Variants in TENM1 observed in about 807,000 individuals in gnomAD.
TENM1 encodes teneurin transmembrane protein 1.
In TENM1, 35 loss-of-function variants were observed where a neutral mutation model predicts 174.8. That is an observed-to-expected ratio of 0.20 (90% CI 0.15 to 0.27). The LOEUF (loss-of-function observed/expected upper bound fraction) is 0.27. TENM1 is among the 10% of genes least tolerant of loss of function. The probability of loss-of-function intolerance (pLI) is 1.00; values close to 1 mark genes in which losing one functional copy is unlikely to be tolerated. For missense variants in TENM1, 1,633 were observed against 2,130.1 expected, an observed-to-expected ratio of 0.77 and a Z score of 4.59; for synonymous variants, 781 against 798.7, an observed-to-expected ratio of 0.98 and a Z score of 0.37.
At chrX:124,957,913 A>G (rs2058601283) in intron 1 of TENM1, among the ~76,000 whole-genome samples, 1 of 111,830 alleles carries the variant, frequency 8.9e-6, no homozygotes, top group Admixed American at 9.5e-5. Context: ...ATATAAAATT[A>G]TTGGCCAATT....
chrX:124,554,976 GA>G (rs1602654429), intron 14 of TENM1, among the ~76,000 whole-genome samples: 1 of 111,605 alleles, frequency 9.0e-6, no homozygotes, highest in East Asian at 2.8e-4. Flanking sequence ...AAAGATCAGA[GA>G]AAAAAAGGCT....
At chrX:124,694,763 T>C (rs139170493) in intron 5 of TENM1, among the ~76,000 whole-genome samples, 1,132 of 111,801 alleles carry the variant, frequency 0.01, 18 homozygotes, top group African/African-American at 0.035. Flanking sequence ...GAGTCATCCA[T>C]GGTTAGGGCC....
chrX:124,468,579 T>A (rs2061266460), intron 22 of TENM1, among the ~76,000 whole-genome samples: 1 of 112,377 alleles, frequency 8.9e-6, no homozygotes, highest in Non-Finnish European at 1.9e-5. Flanking sequence ...GTAACTACTG[T>A]CCTGAAGTTA....
chrX:125,127,933 C>CT, the TENM1 span, among the ~76,000 whole-genome samples: 1 of 111,357 alleles, frequency 9.0e-6, no homozygotes, highest in Non-Finnish European at 1.9e-5. Flanking sequence ...ACTCCATATA[C>CT]TTTGATGTCA....
intron 22 of TENM1, among the ~76,000 whole-genome samples, chrX:124,474,969 T>A (rs1011806763): frequency 1.8e-5 from 2 of 111,683 alleles, no homozygotes; most frequent in East Asian, 5.6e-4. Context: ...TTATCAAACA[T>A]GTTTTTTTCA....
At chrX:124,557,301 T>A (rs1176341827) in intron 14 of TENM1, among the ~76,000 whole-genome samples, 1 of 111,508 alleles carries the variant, frequency 9.0e-6, no homozygotes, top group Non-Finnish European at 1.9e-5. Flanking sequence ...TAGATTTTGA[T>A]GTCTGCAAAT....
chrX:125,187,782 A>G, the TENM1 span, among the ~76,000 whole-genome samples: 2 of 110,921 alleles, frequency 1.8e-5, no homozygotes, highest in Middle Eastern at 9.3e-3. Flanking sequence ...GTGTGTACGT[A>G]TTTATATATG....
In TENM1 at chrX:124,666,596, T is replaced by C. The variant is rs148016258; in HGVS notation, c.1168+5087A>G. On this transcript the variant is annotated intron_variant, in intron 6 of 31. Coordinates refer to ENST00000422452, the Ensembl canonical transcript of TENM1. Reference sequence around the variant, plus strand: ...AAAACTCTCTGTCCCTTCTTTCCCATGATTTCCCTAAGACTCACCTATAAT... The same window carrying C: ...AAAACTCTCTGTCCCTTCTTTCCCACGATTTCCCTAAGACTCACCTATAAT... Among the ~76,000 whole-genome samples, 1,034 of 111,506 alleles carry C rather than the reference T, an allele frequency of 9.3e-3. 9 individuals are homozygous for C. The highest frequency in any genetic ancestry group is 0.032 in the African/African-American group (978 of 30,658).
chrX:124,506,342 GA>G (rs748131685), intron 18 of TENM1, among the ~76,000 whole-genome samples: 20 of 111,362 alleles, frequency 1.8e-4, no homozygotes, highest in Non-Finnish European at 3.4e-4. Context: ...ATCAATTAAG[GA>G]GTTCTCAATG....
chrX:124,836,002 C>T (rs888583227), intron 3 of TENM1, among the ~76,000 whole-genome samples: 1 of 111,433 alleles, frequency 9.0e-6, no homozygotes, highest in African/African-American at 3.3e-5. Context: ...AATAATTTTC[C>T]GTGGACCACA....
chrX:124,985,863 G>A, the TENM1 span, among the ~76,000 whole-genome samples: 4 of 111,588 alleles, frequency 3.6e-5, no homozygotes, highest in Admixed American at 9.5e-5. Context: ...ACAACATCAC[G>A]CTCAAACTTC....
At chrX:124,872,836 T>G (rs2057134490) in intron 3 of TENM1, among the ~76,000 whole-genome samples, 1 of 111,587 alleles carries the variant, frequency 9.0e-6, no homozygotes, top group African/African-American at 3.3e-5. Flanking sequence ...CATAGTTCTT[T>G]CAAGCAAACA....
chrX:124,436,936 C>CT lies in TENM1; in HGVS notation c.4105-14299dup, dbSNP rs34651854. 1.5e-3 allele frequency among the ~76,000 whole-genome samples: 56 copies of CT among 38,485 alleles called. 3 individuals are homozygous for CT. The highest frequency in any genetic ancestry group is 2.7e-3 in the Admixed American group (7 of 2,563). 33.4% of individuals were successfully genotyped at this position (38,485 alleles called of 115,157 possible). ...GTACTTTCTGTTTTTCTGACTGCATCTTTTTTTTTTTTTTTTTTTTTTGAG... is the reference window on the plus strand; with the variant it reads ...GTACTTTCTGTTTTTCTGACTGCATCTTTTTTTTTTTTTTTTTTTTTTTGAG... On this transcript the variant is annotated intron_variant, in intron 23 of 31. Coordinates refer to ENST00000422452, the Ensembl canonical transcript of TENM1.
intron 27 of TENM1, among the ~76,000 whole-genome samples, chrX:124,396,911 G>T (rs1210292128): frequency 8.9e-6 from 1 of 112,247 alleles, no homozygotes; most frequent in Non-Finnish European, 1.9e-5. Flanking sequence ...GCTGTGCATT[G>T]AATAAAACCT....
At chrX:124,629,789 T>A (rs1322584534) in intron 11 of TENM1, among the ~76,000 whole-genome samples, 1 of 112,023 alleles carries the variant, frequency 8.9e-6, no homozygotes, top group Non-Finnish European at 1.9e-5. Flanking sequence ...AAGAAAAAGG[T>A]CCCAGGATCC....
chrX:124,763,273 T>C (rs2054463290), intron 3 of TENM1, among the ~76,000 whole-genome samples: 1 of 110,929 alleles, frequency 9.0e-6, no homozygotes, highest in Non-Finnish European at 1.9e-5. Context: ...GCTTGGGCAA[T>C]GGTACGAGGG....
rs971158479 is a variant in TENM1 at position 124,769,045 on chromosome X, C to A, written c.536-31848G>T. On this transcript the variant is annotated intron_variant, in intron 3 of 31. Transcript: ENST00000422452. ...ACCTGTATTCTAGGTTATTAAAGTGCTTTTAAAATAACATTTTTAGAAAAT... is the reference window on the plus strand; with the variant it reads ...ACCTGTATTCTAGGTTATTAAAGTGATTTTAAAATAACATTTTTAGAAAAT... Among the ~76,000 whole-genome samples the A allele has an allele frequency of 2.7e-5, 3 of 111,878 alleles. No individual in the cohort carries two copies. In the East Asian group the frequency reaches 8.3e-4, roughly 31 times the overall value.
the TENM1 span, among the ~76,000 whole-genome samples, chrX:125,125,462 CTT>C: frequency 8.9e-6 from 1 of 111,955 alleles, no homozygotes; most frequent in African/African-American, 3.2e-5. Flanking sequence ...AGTCAGTACT[CTT>C]CTTACCTGTC....
intron 3 of TENM1, among the ~76,000 whole-genome samples, chrX:124,871,710 T>C (rs1476190701): frequency 6.3e-5 from 7 of 111,254 alleles, no homozygotes; most frequent in Non-Finnish European, 1.1e-4. Context: ...GTATAAATGG[T>C]GAAGACTTGA....
Sources: allele counts gnomAD v4.1 joint callset (sites outside exome capture counted in the v4.1 genomes callset), GRCh38; gene constraint gnomAD v4.1.1; transcripts MANE v1.5; gene names NCBI Gene and HGNC (gene_info 2026-07-23, HGNC 2026-07-21).